CCDC122: variants seen among roughly 807,000 people sequenced by gnomAD.
CCDC122 encodes the protein coiled-coil domain containing 122, also known as coiled-coil domain-containing protein 122.
Under a neutral mutation model 37.0 loss-of-function variants are expected in CCDC122, and 38 were observed. The observed-to-expected ratio is 1.03, with a 90% CI of 0.79 to 1.35. CCDC122 has a LOEUF of 1.35. Ranked by LOEUF, CCDC122 falls within the 40% of genes most tolerant of loss-of-function variation. CCDC122 has a pLI of 0.00. For synonymous variants in CCDC122, 83 were observed against 95.6 expected (o/e 0.87, Z 0.77); for missense variants, 305 against 310.0 (o/e 0.98, Z 0.12).
rs1953191545 is a variant in CCDC122 at position 43,837,158 on chromosome 13, T to C, written c.*122A>G. 2.1e-6 allele frequency: 2 copies of C among 939,146 alleles called. No homozygotes were observed. Among genetic ancestry groups the C allele is most frequent in the African/African-American group, 1.7e-5 (1 of 60,464 alleles). The allele number at this position is 939,146 out of a possible 1,614,324, so 58.2% of individuals were successfully genotyped here. A position where few individuals can be genotyped will look rare whatever the true frequency, so the allele number is the denominator to read the frequency against. ...AAAAAAAACAACAACCGAAGACATC[T>C]GTCATTAAGACAGGTCTCTAATAGT... On this transcript the variant is annotated 3_prime_UTR_variant, in exon 7 of 7. Transcript: ENST00000444614.
chr13:43,834,292 T>TTA (rs1476435121), downstream of CCDC122, among the ~76,000 whole-genome samples: 4 of 152,154 alleles, frequency 2.6e-5, no homozygotes, highest in African/African-American at 9.7e-5. Context: ...TCCTTACACC[T>TTA]TATACAAAAA....
Position 43,858,876 on chromosome 13 carries a change from C to G in CCDC122, c.577G>C (p.Asp193His). 1.4e-6 allele frequency: 2 copies of G among 1,395,348 alleles called. No homozygotes were observed. Among genetic ancestry groups the G allele is most frequent in the Non-Finnish European group, 1.9e-6 (2 of 1,041,750 alleles). 86.4% of individuals were successfully genotyped at this position (1,395,348 alleles called of 1,614,324 possible). The change falls in exon 6 of 7, where the codon GAT becomes CAT. Residue 193 changes from aspartate to histidine, a missense_variant. Asp to His is a moderately conservative substitution (Grantham distance 81). Coordinates refer to ENST00000444614, the MANE Select transcript of CCDC122 (RefSeq NM_144974.5). ...QVQEDITNLK[D>H]KIITVKESII... ...GATTCTTTTACAGTTATAATTTTAT[C>G]CTTTAAGTTTGTAATGTCTTCCTGT...
At chr13:43,826,389 A>C (rs1366246754) in intron 3 of CCDC122, among the ~76,000 whole-genome samples, 1 of 152,154 alleles carries the variant, frequency 6.6e-6, no homozygotes, top group Non-Finnish European at 1.5e-5. Flanking sequence ...TGGGATATTA[A>C]ATCATGTTAC....
At chr13:43,845,265 T>A (rs1012662976) in intron 6 of CCDC122, among the ~76,000 whole-genome samples, 3 of 152,226 alleles carry the variant, frequency 2.0e-5, no homozygotes, top group African/African-American at 7.2e-5. Flanking sequence ...TTGATATATA[T>A]CTTACTCTAC....
intron 4 of CCDC122, among the ~76,000 whole-genome samples, chr13:43,863,855 G>A (rs914790607): frequency 6.6e-6 from 1 of 152,128 alleles, no homozygotes; most frequent in East Asian, 1.9e-4. Flanking sequence ...TGAAGAGCAA[G>A]TTTAAAAATT....
At chr13:43,822,217 C>T (rs1952998895), downstream of CCDC122, among the ~76,000 whole-genome samples, 1 of 152,196 alleles carries the variant, frequency 6.6e-6, no homozygotes, top group African/African-American at 2.4e-5. Flanking sequence ...GAGATACTGC[C>T]TTGGCAGTCT....
intron 6 of CCDC122, among the ~76,000 whole-genome samples, chr13:43,838,563 A>G (rs1953238943): frequency 6.6e-6 from 1 of 152,218 alleles, no homozygotes; most frequent in Non-Finnish European, 1.5e-5. Context: ...GGCCTTTAGT[A>G]TATTCATAGA....
At chr13:43,875,807 A>T (rs990628403) in intron 1 of CCDC122, among the ~76,000 whole-genome samples, 1 of 152,184 alleles carries the variant, frequency 6.6e-6, no homozygotes, top group Non-Finnish European at 1.5e-5. Context: ...TCATGCTGAG[A>T]GCCTCTAATC....
chr13:43,859,254 T>C lies in CCDC122; in HGVS notation c.556-357A>G, dbSNP rs115368631. 1.7e-3 allele frequency among the ~76,000 whole-genome samples: 254 copies of C among 152,282 alleles called. 1 individual carries two copies. Among genetic ancestry groups the C allele is most frequent in the African/African-American group, 5.8e-3 (242 of 41,588 alleles). ...CTTCAAAGAACAGTAAGAGAAATAG[T>C]AAGATGCTTAAGGTTCAGTTATTAA... is the stretch of plus-strand genomic sequence containing the variant. On this transcript the variant is annotated intron_variant, in intron 5 of 6. Transcript: ENST00000444614.
intron 1 of CCDC122, among the ~76,000 whole-genome samples, chr13:43,875,165 G>A (rs868716899): frequency 3.9e-5 from 6 of 152,170 alleles, no homozygotes; most frequent in Admixed American, 6.5e-5. Flanking sequence ...CAACTGTTTC[G>A]AAAAGATTTC....
At chr13:43,866,329 A>C (rs1435747412) in intron 4 of CCDC122, among the ~76,000 whole-genome samples, 2 of 152,228 alleles carry the variant, frequency 1.3e-5, no homozygotes, top group African/African-American at 4.8e-5. Context: ...CCAGAGAATC[A>C]GAAAATTGGT....
At chr13:43,846,933 T>C (rs1379658364) in intron 6 of CCDC122, among the ~76,000 whole-genome samples, 1 of 152,238 alleles carries the variant, frequency 6.6e-6, no homozygotes, top group African/African-American at 2.4e-5. Flanking sequence ...GTGTTCATAG[T>C]TACTGAGAGA....
At chr13:43,839,282 T>A (rs1181362660) in intron 6 of CCDC122, among the ~76,000 whole-genome samples, 3 of 152,210 alleles carry the variant, frequency 2.0e-5, no homozygotes, top group African/African-American at 7.2e-5. Flanking sequence ...CAACCATGAA[T>A]CTAGTTTCTC....
intron 6 of CCDC122, among the ~76,000 whole-genome samples, chr13:43,839,048 T>C (rs924763165): frequency 2.6e-5 from 4 of 152,180 alleles, no homozygotes; most frequent in Admixed American, 6.5e-5. Flanking sequence ...AGATATCTTG[T>C]GGTCAGCAAG....
downstream of CCDC122, chr13:43,823,804 C>A (rs1356913578): frequency 6.6e-6 from 1 of 152,390 alleles, no homozygotes; most frequent in African/African-American, 2.4e-5. Flanking sequence ...AGCCCCCAGT[C>A]ACTGCTGGGG....
At chr13:43,851,559 G>A (rs1037269636) in intron 6 of CCDC122, among the ~76,000 whole-genome samples, 10 of 152,104 alleles carry the variant, frequency 6.6e-5, no homozygotes, top group South Asian at 2.1e-4. Context: ...GTGAATGCCC[G>A]CAGGGAGGCA....
intron 2 of CCDC122, among the ~76,000 whole-genome samples, chr13:43,874,153 G>C (rs573498046): frequency 1.2e-4 from 18 of 152,278 alleles, no homozygotes; most frequent in Non-Finnish European, 1.5e-5. Context: ...TAGGTCTAGA[G>C]TAAGACAGAG....
At chr13:43,860,232 ATTATT>A (rs1205704449) in intron 4 of CCDC122, among the ~76,000 whole-genome samples, 162 bp from the exon 5 acceptor site, 3 of 65,278 alleles carry the variant, frequency 4.6e-5, no homozygotes, top group African/African-American at 9.9e-5. Flanking sequence ...AATAAACACA[ATTATT>A]TTATAATTTC....
intron 3 of CCDC122, among the ~76,000 whole-genome samples, chr13:43,831,109 T>G (rs1458745253): frequency 3.3e-5 from 5 of 152,210 alleles, no homozygotes; most frequent in Non-Finnish European, 7.3e-5. Context: ...AAAATTAAAA[T>G]ACTATCAACA....
Sources: allele counts gnomAD v4.1 joint callset (sites outside exome capture counted in the v4.1 genomes callset), GRCh38; gene constraint gnomAD v4.1.1; transcripts MANE v1.5; gene names NCBI Gene and HGNC (gene_info 2026-07-23, HGNC 2026-07-21).